Variants in CTNNA2 observed in about 807,000 individuals in gnomAD.
CTNNA2 encodes catenin alpha-2.
In CTNNA2, 42 loss-of-function variants were observed where a neutral mutation model predicts 101.0. That is an observed-to-expected ratio of 0.42 (90% CI 0.32 to 0.54). The LOEUF (loss-of-function observed/expected upper bound fraction) is 0.54, where lower values mean the gene tolerates loss of function less well. CTNNA2 is among the 20% of genes least tolerant of loss of function. CTNNA2 has a pLI of 0.14. For missense variants in CTNNA2, 871 were observed against 1,223.1 expected, an observed-to-expected ratio of 0.71 and a Z score of 4.29; for synonymous variants, 450 against 456.4, an observed-to-expected ratio of 0.99 and a Z score of 0.18.
chr2:80,001,780 G>A (rs1692969249), intron 7 of CTNNA2, among the ~76,000 whole-genome samples: 2 of 152,162 alleles, frequency 1.3e-5, no homozygotes, highest in African/African-American at 2.4e-5. Context: ...CTGCTACCAG[G>A]ACAGTGCTGT....
chr2:80,522,199 C>T (rs149282119), intron 9 of CTNNA2, among the ~76,000 whole-genome samples: 69 of 152,246 alleles, frequency 4.5e-4, no homozygotes, highest in Middle Eastern at 3.4e-3. Context: ...TACTCATTTG[C>T]AGAGAGAGTC....
intron 9 of CTNNA2, among the ~76,000 whole-genome samples, chr2:80,478,572 T>C (rs1176887094): frequency 6.6e-6 from 1 of 152,050 alleles, no homozygotes; most frequent in Admixed American, 6.6e-5. Context: ...TTGTAAACGG[T>C]GACAGATTCT....
chr2:79,542,286 A>G (rs1164441005), intron 1 of CTNNA2, among the ~76,000 whole-genome samples: 1 of 152,194 alleles, frequency 6.6e-6, no homozygotes, highest in Non-Finnish European at 1.5e-5. Flanking sequence ...GAAATTTTGT[A>G]TTACAAAATG....
chr2:79,209,313 A>G (rs1047498617), intron 2 of CTNNA2, among the ~76,000 whole-genome samples: 4 of 152,174 alleles, frequency 2.6e-5, no homozygotes, highest in African/African-American at 9.7e-5. Flanking sequence ...AAGCTATTTT[A>G]TGACTGGATA....
intron 3 of CTNNA2, among the ~76,000 whole-genome samples, chr2:79,785,067 C>T (rs77508432): frequency 0.036 from 5,459 of 152,178 alleles, 330 homozygotes; most frequent in African/African-American, 0.12. Context: ...ATCCAAACAA[C>T]GCCATCTCTT....
intron 4 of CTNNA2, among the ~76,000 whole-genome samples, chr2:79,451,510 A>G (rs1670747700): frequency 6.6e-6 from 1 of 152,058 alleles, no homozygotes; most frequent in Non-Finnish European, 1.5e-5. Flanking sequence ...TCAAGAGGTT[A>G]GTAATCATTC....
chr2:79,460,325 T>C (rs996217448), intron 4 of CTNNA2, among the ~76,000 whole-genome samples: 7 of 152,322 alleles, frequency 4.6e-5, no homozygotes, highest in Non-Finnish European at 1.0e-4. Context: ...GTGAATTTAT[T>C]GTGTTCTACG....
intron 7 of CTNNA2, among the ~76,000 whole-genome samples, chr2:79,978,004 G>T (rs561928416): frequency 4.6e-5 from 7 of 152,168 alleles, no homozygotes; most frequent in Non-Finnish European, 1.0e-4. Context: ...GCAGCAGCGG[G>T]TGGTGACTCA....
At chr2:80,036,961 G>A (rs1006339328) in intron 7 of CTNNA2, among the ~76,000 whole-genome samples, 8 of 151,912 alleles carry the variant, frequency 5.3e-5, no homozygotes, top group African/African-American at 1.9e-4. Flanking sequence ...GCTCACACTG[G>A]GAACTCTGCT....
chr2:80,313,304 T>G, intron 7 of CTNNA2: 2 of 1,029,416 alleles, frequency 1.9e-6, no homozygotes, highest in Non-Finnish European at 2.5e-6. Context: ...GCCTTTCTAA[T>G]TATTTAACAT....
At chr2:80,445,709 G>A (rs978872194) in intron 9 of CTNNA2, among the ~76,000 whole-genome samples, 1 of 152,164 alleles carries the variant, frequency 6.6e-6, no homozygotes, top group African/African-American at 2.4e-5. Flanking sequence ...CCCCTACTTT[G>A]AGAAGCACTG....
intron 7 of CTNNA2, among the ~76,000 whole-genome samples, chr2:80,306,365 TTC>T (rs938360110): frequency 1.4e-5 from 2 of 144,766 alleles, no homozygotes; most frequent in Non-Finnish European, 3.0e-5. Flanking sequence ...AGATGGTTTT[TTC>T]TTTCTTTCTT....
intron 3 of CTNNA2, among the ~76,000 whole-genome samples, chr2:79,317,350 T>C (rs528525968): frequency 6.6e-6 from 1 of 152,200 alleles, no homozygotes; most frequent in East Asian, 1.9e-4. Context: ...TCATAACAGG[T>C]AGTGGTCCAT....
At chr2:79,827,333 C>T (rs1235547830) in intron 3 of CTNNA2, among the ~76,000 whole-genome samples, 3 of 152,100 alleles carry the variant, frequency 2.0e-5, no homozygotes, top group Admixed American at 1.3e-4. Context: ...CCACTGTGCC[C>T]GGCCAGATTG....
intron 3 of CTNNA2, among the ~76,000 whole-genome samples, chr2:79,773,008 G>A (rs1443124658): frequency 6.6e-6 from 1 of 152,182 alleles, no homozygotes; most frequent in African/African-American, 2.4e-5. Flanking sequence ...TTTAGGGCTT[G>A]CTTGCTTAGG....
intron 7 of CTNNA2, among the ~76,000 whole-genome samples, chr2:80,391,089 G>A (rs529223090): frequency 2.3e-4 from 34 of 149,202 alleles, no homozygotes; most frequent in Admixed American, 1.3e-3. Context: ...CTGAGATTGC[G>A]CCACTGTGCT....
intron 7 of CTNNA2, among the ~76,000 whole-genome samples, chr2:80,025,878 G>A: frequency 6.6e-6 from 1 of 152,150 alleles, no homozygotes; most frequent in East Asian, 1.9e-4. Context: ...TTCTGCTCAA[G>A]GTGCTCGAGA....
intron 2 of CTNNA2, among the ~76,000 whole-genome samples, chr2:79,256,125 A>G (rs888928344): frequency 6.6e-6 from 1 of 152,210 alleles, no homozygotes; most frequent in Non-Finnish European, 1.5e-5. Flanking sequence ...TCTTAGTACT[A>G]TTATTAGTTG....
intron 7 of CTNNA2, among the ~76,000 whole-genome samples, chr2:80,141,663 C>T (rs1157214580): frequency 2.0e-5 from 3 of 151,914 alleles, no homozygotes; most frequent in African/African-American, 7.3e-5. Flanking sequence ...AGGGATCACT[C>T]TTAGGGGTCT....
Sources: allele counts gnomAD v4.1 joint callset (sites outside exome capture counted in the v4.1 genomes callset), GRCh38; gene constraint gnomAD v4.1.1; transcripts MANE v1.5; gene names NCBI Gene and HGNC (gene_info 2026-07-23, HGNC 2026-07-21).